Variants in PYM1 observed in about 807,000 individuals in gnomAD.
PYM1 encodes partner of Y14 and mago.
A neutral mutation model predicts 20.7 loss-of-function variants in PYM1; 7 were observed. That is an observed-to-expected ratio of 0.34 (90% CI 0.19 to 0.64). PYM1 has a LOEUF of 0.64. Ranked by LOEUF, PYM1 falls within the 30% of genes least tolerant of loss-of-function variation. PYM1 has a pLI of 0.74. For synonymous variants in PYM1, 100 were observed against 99.2 expected, an observed-to-expected ratio of 1.01 and a Z score of -0.05; for missense variants, 194 against 250.0, an observed-to-expected ratio of 0.78 and a Z score of 1.51.
chr12:55,919,196 G>A (rs934298264), intron 1 of PYM1, among the ~76,000 whole-genome samples: 8 of 152,166 alleles, frequency 5.3e-5, no homozygotes, highest in Non-Finnish European at 1.0e-4. Context: ...CACCCAGGCT[G>A]GAGTGCAATA....
rs568167160 is a variant in PYM1 at position 55,918,648 on chromosome 12, A to C, written c.37+9077T>G. ...ACTGGGAGGCCAAGGCGGGTGGATC[A>C]CCTGAGGTCAGGAGTTTGAGGCCAG... On this transcript the variant is annotated intron_variant, in intron 1 of 2. Transcript: ENST00000408946. 1.7e-3 allele frequency among the ~76,000 whole-genome samples: 257 copies of C among 152,226 alleles called. 3 individuals carry two copies. Among genetic ancestry groups the C allele is most frequent in the African/African-American group, 6.1e-3 (252 of 41,576 alleles).
At chr12:55,923,576 A>C (rs1379553937) in intron 1 of PYM1, among the ~76,000 whole-genome samples, 1 of 151,918 alleles carries the variant, frequency 6.6e-6, no homozygotes, top group Non-Finnish European at 1.5e-5. Context: ...AAAAAAAAAA[A>C]AACAAAACTA....
chr12:55,926,557 C>T (rs1290784731), intron 1 of PYM1, among the ~76,000 whole-genome samples: 4 of 152,228 alleles, frequency 2.6e-5, no homozygotes, highest in Non-Finnish European at 5.9e-5. Context: ...CTCTTCCCTT[C>T]ACACCTCTAA....
At chr12:55,927,390 C>A in intron 1 of PYM1, 1 of 715,996 alleles carries the variant, frequency 1.4e-6, no homozygotes, top group South Asian at 1.5e-5. Flanking sequence ...CAGTCCCTCT[C>A]ATCCCCAGGA....
chr12:55,910,958 T>C (rs938882321), intron 1 of PYM1, among the ~76,000 whole-genome samples: 11 of 152,292 alleles, frequency 7.2e-5, no homozygotes, highest in Middle Eastern at 3.4e-3. Flanking sequence ...CAAGGTTCTT[T>C]TGAAGTCTTA....
At chr12:55,905,915 ATATT>A (rs1207753608) in intron 1 of PYM1, among the ~76,000 whole-genome samples, 1 of 112,054 alleles carries the variant, frequency 8.9e-6, no homozygotes, top group Non-Finnish European at 1.7e-5. Context: ...ATAGATATAT[ATATT>A]ATTATATATA....
At chr12:55,904,611 A>G (rs889647689) in intron 1 of PYM1, among the ~76,000 whole-genome samples, 7 of 150,312 alleles carry the variant, frequency 4.7e-5, no homozygotes, top group African/African-American at 7.3e-5. Flanking sequence ...AAAAAAAAAA[A>G]AAAAAAAAGA....
intron 1 of PYM1, chr12:55,927,206 G>A (rs765367609): frequency 2.5e-5 from 38 of 1,515,802 alleles, no homozygotes; most frequent in Middle Eastern, 3.4e-4. Flanking sequence ...CACCATCTTA[G>A]TCTTAAAGGG....
At position 55,927,862 on chromosome 12, in the gene PYM1, G is replaced by C; in HGVS notation, c.-101C>G. ...CGGCGGCGAAGTGATGAGGGCCCTA[G>C]TTGCTTCTCGCCCAGACCTCCTAAC... is the stretch of plus-strand genomic sequence containing the variant. On this transcript the variant is annotated 5_prime_UTR_variant, in exon 1 of 3. Coordinates refer to ENST00000408946, the MANE Select transcript of PYM1 (RefSeq NM_032345.3). The C allele has an allele frequency of 6.9e-7, 1 of 1,446,954 alleles. No homozygotes were observed. Among genetic ancestry groups the C allele is most frequent in the Non-Finnish European group, 9.2e-7 (1 of 1,082,364 alleles). The allele number at this position is 1,446,954 out of a possible 1,614,324, so 89.6% of individuals were successfully genotyped here.
rs1882742544 is a variant in PYM1 at position 55,904,134 on chromosome 12, A to G, written c.38-654T>C. Among the ~76,000 whole-genome samples the G allele has an allele frequency of 2.6e-5, 4 of 151,982 alleles. No homozygotes were observed. In the South Asian group the frequency reaches 8.3e-4, roughly 32 times the overall value. On this transcript the variant is annotated intron_variant, in intron 1 of 2. Coordinates refer to ENST00000408946, the MANE Select transcript of PYM1 (RefSeq NM_032345.3). The stretch of plus-strand genomic sequence containing the variant: ...AGGCCCCTGCCACCACATCCGGCTA[A>G]TTTTTGTATTATTAGTAGAAATGGG...
At chr12:55,914,356 G>A (rs1385546757) in intron 1 of PYM1, 3 of 702,278 alleles carry the variant, frequency 4.3e-6, no homozygotes, top group Non-Finnish European at 5.2e-6. Flanking sequence ...GAGGTTTGGC[G>A]GTTCCCACCC....
At chr12:55,918,301 C>T (rs922709779) in intron 1 of PYM1, among the ~76,000 whole-genome samples, 2 of 151,926 alleles carry the variant, frequency 1.3e-5, no homozygotes, top group African/African-American at 4.8e-5. Flanking sequence ...GGGGTTTCAC[C>T]GTGTTAACCA....
At chr12:55,924,394 A>G (rs1883153868) in intron 1 of PYM1, among the ~76,000 whole-genome samples, 2 of 152,080 alleles carry the variant, frequency 1.3e-5, no homozygotes, top group African/African-American at 4.8e-5. Context: ...TGTAATCCCA[A>G]CATTTTGGCA....
chr12:55,902,099 C>A lies in PYM1; in HGVS notation c.388G>T (p.Gly130Cys). The A allele has an allele frequency of 6.2e-7, 1 of 1,614,128 alleles. No homozygotes were observed. The highest frequency in any genetic ancestry group is 8.5e-7 in the Non-Finnish European group (1 of 1,180,028). The change falls in exon 3 of 3, where the codon GGC becomes TGC. Residue 130 changes from glycine to cysteine, a missense_variant. Transcript: ENST00000408946. The stretch of plus-strand genomic sequence containing the variant: ...GCAGCTGTGGGGGCTGCCCGAGAGC[C>A]CTGTGGAGCACTGGGGAGTTGGGCT... ...ETAQLPSAPQ[G>C]SRAAPTAASD...
At chr12:55,914,180 T>TA (rs1882968796) in intron 1 of PYM1, 2 of 647,968 alleles carry the variant, frequency 3.1e-6, no homozygotes, top group Non-Finnish European at 5.6e-6. Flanking sequence ...GGACTAAAGA[T>TA]AGACTGTAAT....
At chr12:55,904,784 C>T (rs1244003103) in intron 1 of PYM1, among the ~76,000 whole-genome samples, 3 of 150,978 alleles carry the variant, frequency 2.0e-5, no homozygotes, top group South Asian at 2.1e-4. Context: ...GGCCGAGGCA[C>T]GAGAATCGCT....
At chr12:55,917,313 T>C (rs781370804) in intron 1 of PYM1, among the ~76,000 whole-genome samples, 2 of 149,108 alleles carry the variant, frequency 1.3e-5, no homozygotes, top group Non-Finnish European at 3.0e-5. Flanking sequence ...CTCAGCTACT[T>C]GGGAGGCTGA....
chr12:55,911,410 C>G (rs1415947908), intron 1 of PYM1, among the ~76,000 whole-genome samples: 1 of 152,080 alleles, frequency 6.6e-6, no homozygotes, highest in Admixed American at 6.6e-5. Flanking sequence ...CTGAGCCCGG[C>G]CTGTTAATAG....
At chr12:55,917,544 G>A (rs1210357592) in intron 1 of PYM1, among the ~76,000 whole-genome samples, 1 of 152,110 alleles carries the variant, frequency 6.6e-6, no homozygotes, top group African/African-American at 2.4e-5. Context: ...AATTAACACA[G>A]GAACAGAAAA....
Sources: allele counts gnomAD v4.1 joint callset (sites outside exome capture counted in the v4.1 genomes callset), GRCh38; gene constraint gnomAD v4.1.1; transcripts MANE v1.5; gene names NCBI Gene and HGNC (gene_info 2026-07-23, HGNC 2026-07-21).